The following CTNNA2 variants were observed in gnomAD, a reference collection of about 807,000 sequenced individuals.
CTNNA2 encodes the protein catenin alpha 2.
CTNNA2 carries 42 observed loss-of-function variants against 101.0 expected under a neutral mutation model. That is an observed-to-expected ratio of 0.42 (90% CI 0.32 to 0.54). The LOEUF is 0.54. Among genes scored for constraint, CTNNA2 ranks in the 20% least tolerant of loss-of-function variants. The pLI, the probability that CTNNA2 is intolerant of heterozygous loss-of-function variation, is 0.14. For synonymous variants in CTNNA2, 450 were observed against 456.4 expected (o/e 0.99, Z 0.18); for missense variants, 871 against 1,223.1 (o/e 0.71, Z 4.29).
intron 3 of CTNNA2, among the ~76,000 whole-genome samples, chr2:79,854,933 C>A (rs747144568): frequency 1.3e-5 from 2 of 152,092 alleles, no homozygotes; most frequent in Non-Finnish European, 2.9e-5. Flanking sequence ...CTAATTTTAT[C>A]CTGATAAACT....
chr2:80,442,337 G>T (rs1303053829), intron 9 of CTNNA2, among the ~76,000 whole-genome samples: 1 of 152,194 alleles, frequency 6.6e-6, no homozygotes, highest in African/African-American at 2.4e-5. Context: ...TGTCTTCTTA[G>T]TTGTATTGCC....
intron 18 of CTNNA2, among the ~76,000 whole-genome samples, chr2:80,642,492 G>A (rs555579597): frequency 6.6e-6 from 1 of 152,308 alleles, no homozygotes; most frequent in South Asian, 2.1e-4. Context: ...TTCAGTAGGT[G>A]TCTGAAGAAA....
At chr2:79,589,732 A>G (rs944025104) in intron 1 of CTNNA2, among the ~76,000 whole-genome samples, 3 of 149,730 alleles carry the variant, frequency 2.0e-5, no homozygotes, top group African/African-American at 7.4e-5. Flanking sequence ...CCCCCGAGAC[A>G]CGAATTTACT....
intron 4 of CTNNA2, among the ~76,000 whole-genome samples, chr2:79,863,467 A>G (rs1295798948): frequency 6.6e-6 from 1 of 152,192 alleles, no homozygotes; most frequent in East Asian, 1.9e-4. Context: ...CGGAGTCTCA[A>G]GTCCAAGCTG....
chr2:80,157,586 A>G (rs1015554348), intron 7 of CTNNA2, among the ~76,000 whole-genome samples: 1 of 152,006 alleles, frequency 6.6e-6, no homozygotes, highest in Non-Finnish European at 1.5e-5. Flanking sequence ...GGGCAAATGA[A>G]TGGTTTCTAT....
intron 1 of CTNNA2, among the ~76,000 whole-genome samples, chr2:79,645,277 G>T (rs537513517): frequency 3.9e-5 from 6 of 152,140 alleles, no homozygotes; most frequent in African/African-American, 1.4e-4. Context: ...GAGAGCAATC[G>T]CACCCAGCTG....
intron 2 of CTNNA2, among the ~76,000 whole-genome samples, chr2:79,241,741 A>G (rs1026727760): frequency 2.0e-5 from 3 of 152,198 alleles, no homozygotes; most frequent in Admixed American, 6.5e-5. Flanking sequence ...TTGTAACTAA[A>G]GGTGTAGAAA....
At chr2:80,549,689 C>CCT (rs201954715) in intron 11 of CTNNA2, among the ~76,000 whole-genome samples, 1 of 152,022 alleles carries the variant, frequency 6.6e-6, no homozygotes, top group African/African-American at 2.4e-5. Flanking sequence ...TTGCAACATT[C>CCT]CTCTCTCTCT....
intron 4 of CTNNA2, among the ~76,000 whole-genome samples, chr2:79,434,648 G>A (rs1043322024): frequency 1.3e-5 from 2 of 152,146 alleles, no homozygotes; most frequent in African/African-American, 4.8e-5. Flanking sequence ...GGGTGAGGAT[G>A]TCAAAGCAGA....
intron 2 of CTNNA2, among the ~76,000 whole-genome samples, chr2:79,220,770 C>A (rs557332290): frequency 7.2e-5 from 11 of 152,108 alleles, no homozygotes; most frequent in Non-Finnish European, 1.5e-4. Flanking sequence ...TCTAGCATGA[C>A]CTTAGCCAAA....
intron 9 of CTNNA2, among the ~76,000 whole-genome samples, chr2:80,525,459 G>A (rs1689953285): frequency 6.6e-6 from 1 of 152,052 alleles, no homozygotes. Context: ...GTCAAGTTCA[G>A]CGACTCTGAA....
At chr2:79,879,804 C>G (rs191677241) in intron 6 of CTNNA2, among the ~76,000 whole-genome samples, 2 of 152,178 alleles carry the variant, frequency 1.3e-5, no homozygotes, top group African/African-American at 4.8e-5. Context: ...TTTGAATATG[C>G]TTTATTTCTT....
intron 9 of CTNNA2, among the ~76,000 whole-genome samples, chr2:80,441,236 G>A (rs1302881259): frequency 6.6e-6 from 1 of 152,160 alleles, no homozygotes; most frequent in African/African-American, 2.4e-5. Context: ...TGAGGTTTCT[G>A]TCTACCCTGA....
chr2:80,412,890 C>T (rs1052852340), intron 8 of CTNNA2, among the ~76,000 whole-genome samples: 7 of 152,218 alleles, frequency 4.6e-5, no homozygotes, highest in East Asian at 1.9e-4. Context: ...GCCGGCCTAA[C>T]GTTGAATGAG....
chr2:80,438,215 C>T (rs1458418771), intron 9 of CTNNA2, among the ~76,000 whole-genome samples: 1 of 152,162 alleles, frequency 6.6e-6, no homozygotes, highest in African/African-American at 2.4e-5. Flanking sequence ...CTAGAGTCTC[C>T]TCCTGCGTCC....
At chr2:80,330,831 A>G (rs1410581112) in intron 7 of CTNNA2, among the ~76,000 whole-genome samples, 2 of 152,148 alleles carry the variant, frequency 1.3e-5, no homozygotes, top group East Asian at 1.9e-4. Context: ...CCCCGGGGTC[A>G]GTAATGAGTT....
At chr2:80,268,190 G>C (rs2149134422) in intron 7 of CTNNA2, among the ~76,000 whole-genome samples, 1 of 152,352 alleles carries the variant, frequency 6.6e-6, no homozygotes, top group East Asian at 1.9e-4. Flanking sequence ...CTGGACCCCA[G>C]ATGCAAGCAC....
chr2:80,468,891 G>A (rs996448961), intron 9 of CTNNA2, among the ~76,000 whole-genome samples: 20 of 152,154 alleles, frequency 1.3e-4, no homozygotes, highest in Non-Finnish European at 2.2e-4. Context: ...CCCAAGAAAA[G>A]TACCTTATTT....
At chr2:80,268,281 A>G (rs181906095) in intron 7 of CTNNA2, among the ~76,000 whole-genome samples, 1 of 152,350 alleles carries the variant, frequency 6.6e-6, no homozygotes, top group Admixed American at 6.5e-5. Context: ...GTAGAGTGCT[A>G]TCAGACCTAA....
Sources: gnomAD v4.1 joint callset for allele counts (sites outside exome capture counted in the v4.1 genomes callset) on GRCh38, gnomAD v4.1.1 for gene constraint, MANE v1.5 for transcripts, NCBI Gene and HGNC (gene_info 2026-07-23, HGNC 2026-07-21) for gene names.